The following ANKRD17 variants were observed in gnomAD, a reference collection of about 807,000 sequenced individuals.
ANKRD17 encodes ankyrin repeat domain-containing protein 17.
ANKRD17 carries 19 observed loss-of-function variants against 229.7 expected under a neutral mutation model. That is an observed-to-expected ratio of 0.08 (90% confidence interval 0.06 to 0.12). The LOEUF (loss-of-function observed/expected upper bound fraction) is 0.12. Ranked by LOEUF, ANKRD17 falls within the 10% of genes least tolerant of loss-of-function variation. The pLI is 1.00. For synonymous variants in ANKRD17, 1,112 were observed against 1,146.1 expected (o/e 0.97, Z 0.60); for missense variants, 2,176 against 3,176.8 (o/e 0.68, Z 7.57).
At chr4:73,236,221 A>G (rs992585363) in intron 1 of ANKRD17, among the ~76,000 whole-genome samples, 1 of 152,086 alleles carries the variant, frequency 6.6e-6, no homozygotes, top group Admixed American at 6.6e-5. Flanking sequence ...CAGTGGTTCC[A>G]TCATTGCCAC....
At chr4:73,086,919 A>ATATATAT (rs1553911001) in intron 29 of ANKRD17, among the ~76,000 whole-genome samples, 7 of 12,460 alleles carry the variant, frequency 5.6e-4, no homozygotes, top group African/African-American at 1.3e-3. Flanking sequence ...AAAAAAAAAA[A>ATATATAT]ATATATATAT....
In ANKRD17 at chr4:73,098,401, T is replaced by C. The variant is rs1208552003; in HGVS notation, c.4693A>G (p.Thr1565Ala). 6.2e-7 allele frequency: 1 copy of C among 1,614,192 alleles called. No individual in the cohort carries two copies. The highest frequency in any genetic ancestry group is 8.5e-7 in the Non-Finnish European group (1 of 1,180,026). ...HGKRNNTITT[T>A]SSKRKNRKNK... is the part of the protein sequence containing the mutation. ...TTCCTGTTTTTCCTCTTTGAACTGG[T>C]TGTAGTTATGGTATTATTTCTTTTA... Residue 1565 changes from threonine to alanine, a missense_variant, in exon 26 of 34, where the codon ACC (threonine) becomes GCC (alanine). Coordinates refer to ENST00000358602, the MANE Select transcript of ANKRD17 (RefSeq NM_032217.5).
At chr4:73,217,301 A>G (rs1238801231) in intron 1 of ANKRD17, among the ~76,000 whole-genome samples, 1 of 152,162 alleles carries the variant, frequency 6.6e-6, no homozygotes, top group East Asian at 1.9e-4. Flanking sequence ...CTAAAATATC[A>G]TTCTTCTTTA....
At chr4:73,116,882 G>C (rs563317732) in intron 22 of ANKRD17, among the ~76,000 whole-genome samples, 1 of 151,748 alleles carries the variant, frequency 6.6e-6, no homozygotes, top group South Asian at 2.1e-4. Flanking sequence ...ATATAATATA[G>C]TACTCTAGCC....
At chr4:73,097,047 AATT>A in intron 27 of ANKRD17, 67 bp downstream of exon 27, 5 of 1,503,180 alleles carry the variant, frequency 3.3e-6, no homozygotes, top group Non-Finnish European at 4.5e-6. Context: ...GGAGGAATTT[AATT>A]ATAAGGTAGA....
At chr4:73,244,657 A>G (rs1025094511) in intron 1 of ANKRD17, among the ~76,000 whole-genome samples, 2 of 152,122 alleles carry the variant, frequency 1.3e-5, no homozygotes, top group Admixed American at 6.6e-5. Flanking sequence ...ACAAACTTCT[A>G]TCTTGCCTGA....
At chr4:73,194,735 T>C (rs898831280) in intron 1 of ANKRD17, among the ~76,000 whole-genome samples, 21 of 152,158 alleles carry the variant, frequency 1.4e-4, no homozygotes, top group African/African-American at 5.1e-4. Flanking sequence ...TATCAACCTA[T>C]TGCTTGGGAC....
chr4:73,216,355 A>G (rs377671990), intron 1 of ANKRD17, among the ~76,000 whole-genome samples: 15 of 152,294 alleles, frequency 9.8e-5, no homozygotes, highest in African/African-American at 3.4e-4. Flanking sequence ...AGTGATAGAT[A>G]TAACTCTCAG....
rs1269834762 is a variant in ANKRD17 at position 73,258,448 on chromosome 4, G to A, written c.221C>T (p.Ala74Val). The change falls in exon 1 of 34, where the codon GCC (alanine) becomes GTC (valine). Residue 74 changes from alanine (A) to valine (V), a missense_variant. Physicochemically the swap from Ala to Val is moderately conservative, Grantham distance 64 (BLOSUM62 0). This residue lies in a region of ANKRD17 where 196 missense variants were observed against 190.0 expected (regional missense o/e 1.03). Transcript: ENST00000358602. ...KKPPQQQHHK[A>V]KRNRTCRPPS... is the part of the protein sequence containing the mutation. ...GGGTCGGCAAGTCCGGTTACGCTTGGCCTTGTGGTGCTGCTGCTGCGGCGG... is the reference window on the plus strand; with the variant it reads ...GGGTCGGCAAGTCCGGTTACGCTTGACCTTGTGGTGCTGCTGCTGCGGCGG... 6.2e-7 allele frequency: 1 copy of A among 1,608,860 alleles called. No homozygotes were observed. Among genetic ancestry groups the A allele is most frequent in the Non-Finnish European group, 8.5e-7 (1 of 1,178,636 alleles).
intron 16 of ANKRD17, 99 bp downstream of exon 16, chr4:73,135,018 A>C (rs1578151753): frequency 8.9e-6 from 11 of 1,242,114 alleles, no homozygotes; most frequent in Admixed American, 2.4e-5. Context: ...TTGCCTAGAG[A>C]CAAAGCAGTC....
In ANKRD17 at chr4:73,142,646, A is replaced by G. The variant is rs1729760287; in HGVS notation, c.2079T>C (p.Arg693=). 1.2e-6 allele frequency: 2 copies of G among 1,613,982 alleles called. No individual in the cohort carries two copies. Among genetic ancestry groups the G allele is most frequent in the Non-Finnish European group, 1.7e-6 (2 of 1,179,930 alleles). Residue 693 remains arginine (R), a synonymous_variant, in exon 12 of 34, where the codon CGT becomes CGC. Transcript: ENST00000358602. The part of the protein sequence containing the change: ...LLAHGADPTH[R]LKDGSTMLIE... ...AAACATTTGAGTTACATACTTTCAA[A>G]CGGTGAGTAGGATCTGCCCCATGAG...
chr4:73,248,394 T>C (rs1744692760), intron 1 of ANKRD17, among the ~76,000 whole-genome samples: 1 of 152,014 alleles, frequency 6.6e-6, no homozygotes, highest in Admixed American at 6.5e-5. Context: ...CAAAAAAGTA[T>C]AGGATTTATA....
chr4:73,236,524 T>C (rs955693670), intron 1 of ANKRD17, among the ~76,000 whole-genome samples: 1 of 152,100 alleles, frequency 6.6e-6, no homozygotes, highest in South Asian at 2.1e-4. Context: ...AAAAACTCTA[T>C]ATCCCAGAAA....
intron 1 of ANKRD17, among the ~76,000 whole-genome samples, chr4:73,235,838 G>A (rs1743451626): frequency 6.6e-6 from 1 of 151,838 alleles, no homozygotes. Flanking sequence ...AGGAAGAAGG[G>A]AAGGTTCGTA....
chr4:73,152,530 T>A (rs780643683), intron 6 of ANKRD17, among the ~76,000 whole-genome samples: 132 of 152,104 alleles, frequency 8.7e-4, no homozygotes, highest in Non-Finnish European at 1.6e-3. Context: ...GTAGCAGAGA[T>A]GTTCTCCACC....
Position 73,142,405 on chromosome 4 carries a change from A to AG in ANKRD17, c.2086-21dup, listed in dbSNP as rs753592046. On this transcript the variant is annotated intron_variant, in intron 12 of 33. Coordinates refer to ENST00000358602, the MANE Select transcript of ANKRD17 (RefSeq NM_032217.5). The stretch of plus-strand genomic sequence containing the variant: ...GCCATCCTAAAAGAGTGAATATGGA[A>AG]GGGGAAAAAAAGTGAAGAAAAATAA... 1 of 1,585,542 alleles carries AG rather than the reference A, an allele frequency of 6.3e-7. No homozygotes were observed. Among genetic ancestry groups the AG allele is most frequent in the Non-Finnish European group, 8.5e-7 (1 of 1,173,624 alleles).
At chr4:73,250,611 A>AAAAAAAAAAAAAAC (rs1560788833) in intron 1 of ANKRD17, among the ~76,000 whole-genome samples, 1 of 149,056 alleles carries the variant, frequency 6.7e-6, no homozygotes, top group African/African-American at 2.5e-5. Context: ...AAAAAAAAAA[A>AAAAAAAAAAAAAAC]AAAACAGAAA....
intron 8 of ANKRD17, among the ~76,000 whole-genome samples, chr4:73,147,726 G>C (rs1159012964): frequency 6.6e-6 from 1 of 151,878 alleles, no homozygotes; most frequent in Non-Finnish European, 1.5e-5. Context: ...TCTCATTATA[G>C]TGATTCAAAA....
At position 73,099,101 on chromosome 4, in the gene ANKRD17, G is replaced by A. The variant is rs183043803; in HGVS notation, c.4574-581C>T. 1.9e-4 allele frequency: 149 copies of A among 798,598 alleles called. No individual in the cohort carries two copies. The African/African-American group carries it at 2.0e-3, about 10-fold the overall frequency. 49.5% of individuals were successfully genotyped at this position (798,598 alleles called of 1,614,324 possible). A position where few individuals can be genotyped will look rare whatever the true frequency, so the allele number is the denominator to read the frequency against. On this transcript the variant is annotated intron_variant, in intron 25 of 33. Transcript: ENST00000358602. The stretch of plus-strand genomic sequence containing the variant: ...CAGACCCAAAAAACTGGAGAAGGAG[G>A]AAGAGGAGGGCATCTGGCAGGAGTC...
Sources: gnomAD v4.1 joint callset for allele counts (sites outside exome capture counted in the v4.1 genomes callset) on GRCh38, gnomAD v4.1.1 for gene constraint, gnomAD v4.1.1 regional missense constraint, MANE v1.5 for transcripts, NCBI Gene and HGNC (gene_info 2026-07-23, HGNC 2026-07-21) for gene names.